Variants in RFT1 observed in about 807,000 individuals in gnomAD.
The protein encoded by RFT1 is RFT1 glycolipid translocator homolog.
RFT1 carries 43 observed loss-of-function variants against 62.2 expected under a neutral mutation model. The observed-to-expected ratio is 0.69, with a 90% CI of 0.54 to 0.89. RFT1 has a LOEUF of 0.89. Ranked by LOEUF, RFT1 falls within the 40% of genes least tolerant of loss-of-function variation. RFT1 has a pLI of 0.00. For synonymous variants in RFT1, 262 were observed against 264.6 expected, an observed-to-expected ratio of 0.99 and a Z score of 0.10; for missense variants, 605 against 649.9, an observed-to-expected ratio of 0.93 and a Z score of 0.75.
At chr3:53,073,109 C>T in the RFT1 span, among the ~76,000 whole-genome samples, 1 of 152,354 alleles carries the variant, frequency 6.6e-6, no homozygotes, top group Admixed American at 6.5e-5. Context: ...GGTTTCAGCC[C>T]ACCGCGAAGG....
chr3:53,113,563 T>A (rs1701711434), intron 6 of RFT1, among the ~76,000 whole-genome samples: 1 of 152,210 alleles, frequency 6.6e-6, no homozygotes, highest in Non-Finnish European at 1.5e-5. Context: ...TGAAGAGCAA[T>A]GCTATCCAGT....
At chr3:53,123,488 C>T (rs1311649404) in intron 3 of RFT1, among the ~76,000 whole-genome samples, 1 of 152,198 alleles carries the variant, frequency 6.6e-6, no homozygotes, top group Non-Finnish European at 1.5e-5. Context: ...AGAAACCTGG[C>T]CCAGAAACCC....
Position 53,119,998 on chromosome 3 carries a change from C to A in RFT1, c.582G>T (p.Val194=). 6.2e-7 allele frequency: 1 copy of A among 1,604,478 alleles called. No individual in the cohort carries two copies. Among genetic ancestry groups the A allele is most frequent in the Non-Finnish European group, 8.5e-7 (1 of 1,176,904 alleles). Residue 194 remains valine, a synonymous_variant, in exon 6 of 13, where the codon GTG becomes GTT. Coordinates refer to ENST00000296292, the MANE Select transcript of RFT1 (RefSeq NM_052859.4). ...LAQLFYTTVL[V]LCYVIYFTKL... Reference sequence around the variant, plus strand: ...TTGTGAAATAAATAACATAGCAGAGCACCAGAACTGTGGTATAGAAAAGCT... The same window carrying A: ...TTGTGAAATAAATAACATAGCAGAGAACCAGAACTGTGGTATAGAAAAGCT...
At chr3:53,101,574 A>C (rs945464960) in intron 10 of RFT1, among the ~76,000 whole-genome samples, 1 of 152,206 alleles carries the variant, frequency 6.6e-6, no homozygotes, top group South Asian at 2.1e-4. Context: ...GACTGAATTG[A>C]GGGGTGTTTT....
the RFT1 span, among the ~76,000 whole-genome samples, chr3:53,071,732 C>T: frequency 6.6e-6 from 1 of 152,222 alleles, no homozygotes; most frequent in South Asian, 2.1e-4. Flanking sequence ...CAGCCTCAAA[C>T]TGCTCAGGCC....
intron 7 of RFT1, among the ~76,000 whole-genome samples, chr3:53,110,863 T>C (rs1023041014): frequency 2.0e-5 from 3 of 152,200 alleles, no homozygotes; most frequent in African/African-American, 7.2e-5. Flanking sequence ...TACAGCTGTC[T>C]TAAATCTCAC....
At chr3:53,072,388 AC>A in the RFT1 span, among the ~76,000 whole-genome samples, 2 of 151,314 alleles carry the variant, frequency 1.3e-5, no homozygotes, top group African/African-American at 4.9e-5. Context: ...ACATGCACTG[AC>A]CCCCCAGGGC....
intron 9 of RFT1, 114 bp downstream of exon 9, chr3:53,105,559 A>T (rs1701444992): frequency 9.9e-6 from 13 of 1,309,126 alleles, no homozygotes; most frequent in Non-Finnish European, 1.4e-5. Flanking sequence ...GAAGAATGAA[A>T]TCTATAAGAA....
At chr3:53,073,295 C>T in the RFT1 span, among the ~76,000 whole-genome samples, 6 of 152,256 alleles carry the variant, frequency 3.9e-5, no homozygotes, top group Non-Finnish European at 7.3e-5. Context: ...TGCGCACCAG[C>T]ATCTGTGGGT....
intron 7 of RFT1, among the ~76,000 whole-genome samples, chr3:53,110,080 C>A (rs1701604147): frequency 6.6e-6 from 1 of 152,180 alleles, no homozygotes; most frequent in South Asian, 2.1e-4. Flanking sequence ...CTTAAACCAG[C>A]TGCTGCAAAG....
chr3:53,105,840 G>T, intron 8 of RFT1, 37 bp from the exon 9 acceptor site: 2 of 1,587,598 alleles, frequency 1.3e-6, no homozygotes, highest in South Asian at 2.3e-5. Flanking sequence ...AATCATGTTG[G>T]TTTTTCTATT....
At chr3:53,098,427 T>TGAGACACTCCCTCCGCATCC (rs1553652807) in intron 11 of RFT1, among the ~76,000 whole-genome samples, 3 of 151,636 alleles carry the variant, frequency 2.0e-5, no homozygotes, top group African/African-American at 7.3e-5. Context: ...GGTCCCCATT[T>TGAGACACTCCCTCCGCATCC]GAGACACTCC....
At chr3:53,119,784 C>A (rs1701913650) in intron 6 of RFT1, 100 bp downstream of exon 6, 1 of 1,141,460 alleles carries the variant, frequency 8.8e-7, no homozygotes, top group Non-Finnish European at 1.3e-6. Flanking sequence ...CTATAAAATT[C>A]TATTTATGAT....
At chr3:53,095,004 A>C (rs1204312445) in intron 11 of RFT1, among the ~76,000 whole-genome samples, 2 of 152,216 alleles carry the variant, frequency 1.3e-5, no homozygotes, top group African/African-American at 4.8e-5. Flanking sequence ...ACGGTGGCTC[A>C]TGCCTGTAAT....
Position 53,103,952 on chromosome 3 carries a change from C to T in RFT1, c.1102+1G>A. The T allele has an allele frequency of 6.2e-7, 1 of 1,614,226 alleles. No homozygotes were observed. The highest frequency in any genetic ancestry group is 2.2e-5 in the East Asian group (1 of 44,886). ...AAATCCAGAAAAACTCTTGTGCGTA[C>T]CGGATCCTGAGCTAAGCATGGTCCC... On this transcript the variant is annotated splice_donor_variant, in intron 10 of 12. Transcript: ENST00000296292. LOFTEE classifies it high-confidence loss of function.
In RFT1 at chr3:53,089,448, G is replaced by C. The variant is rs1700932216; in HGVS notation, c.*2455C>G. 3 of 152,212 alleles carry C rather than the reference G, an allele frequency of 2.0e-5. 1 individual carries two copies. The South Asian group carries it at 6.2e-4, about 32-fold the overall frequency. 9.4% of individuals were successfully genotyped at this position (152,212 alleles called of 1,614,324 possible). On this transcript the variant is annotated 3_prime_UTR_variant, in exon 13 of 13. Coordinates refer to ENST00000296292, the MANE Select transcript of RFT1 (RefSeq NM_052859.4). ...AAGTAGCCTCACTATAAGTGGTATT[G>C]AAAGCCAAAAGTATGATTTCTGCTC...
intron 7 of RFT1, among the ~76,000 whole-genome samples, chr3:53,107,106 A>T (rs988954588): frequency 6.6e-6 from 1 of 151,372 alleles, no homozygotes; most frequent in African/African-American, 2.4e-5. Flanking sequence ...TACAAATAAA[A>T]AAAAATAAAA....
rs144273871 is a variant in RFT1 at position 53,113,082 on chromosome 3, C to A, written c.697-1174G>T. ...CCAGGTTGGAATGCAGTGGCATGAT[C>A]ATAGCTCACTATAACCTCAAACTCC... On this transcript the variant is annotated intron_variant, in intron 6 of 12. Transcript: ENST00000296292. Among the ~76,000 whole-genome samples the A allele has an allele frequency of 1.9e-3, 296 of 152,302 alleles. 1 individual carries two copies. The highest frequency in any genetic ancestry group is 6.8e-3 in the African/African-American group (282 of 41,550).
downstream of RFT1, among the ~76,000 whole-genome samples, chr3:53,087,333 C>T (rs935165979): frequency 1.3e-5 from 2 of 152,122 alleles, no homozygotes; most frequent in African/African-American, 4.8e-5. Context: ...TAAGACTAGG[C>T]CAGGGATCAT....
Sources: allele counts gnomAD v4.1 joint callset (sites outside exome capture counted in the v4.1 genomes callset), GRCh38; gene constraint gnomAD v4.1.1; transcripts MANE v1.5; gene names NCBI Gene and HGNC (gene_info 2026-07-23, HGNC 2026-07-21).